The following WIPF2 variants were observed in gnomAD, a reference collection of about 807,000 sequenced individuals.
WIPF2 encodes the protein WAS/WASL-interacting protein family member 2.
Under a neutral mutation model 38.8 loss-of-function variants are expected in WIPF2, and 23 were observed. The ratio of observed to expected loss-of-function variants is 0.59; its 90% CI spans 0.43 to 0.84. The LOEUF (loss-of-function observed/expected upper bound fraction) is 0.84. Among genes scored for constraint, WIPF2 ranks in the 40% least tolerant of loss-of-function variants. The probability of loss-of-function intolerance (pLI) is 0.00; values close to 1 mark genes in which losing one functional copy is unlikely to be tolerated. For synonymous variants in WIPF2, 210 were observed against 223.2 expected, an observed-to-expected ratio of 0.94 and a Z score of 0.53; for missense variants, 574 against 580.5, an observed-to-expected ratio of 0.99 and a Z score of 0.11.
chr17:40,275,240 CAAAAA>C (rs58914738), intron 6 of WIPF2, among the ~76,000 whole-genome samples: 15 of 60,208 alleles, frequency 2.5e-4, no homozygotes, highest in African/African-American at 9.1e-4. Context: ...GACTCCGTCT[CAAAAA>C]AAAAAAAAAA....
At chr17:40,252,659 C>CA (rs751249426) in intron 1 of WIPF2, among the ~76,000 whole-genome samples, 1,365 of 113,974 alleles carry the variant, frequency 0.012, 5 homozygotes, top group Middle Eastern at 0.023. Flanking sequence ...GACTCTGTCT[C>CA]AAAAAAAAAA....
At chr17:40,245,346 C>CT (rs537431593) in intron 1 of WIPF2, among the ~76,000 whole-genome samples, 2,896 of 143,650 alleles carry the variant, frequency 0.02, 42 homozygotes, top group Non-Finnish European at 0.028. Context: ...CCAGATAATT[C>CT]TTTTTTTTTT....
At chr17:40,229,028 T>G (rs1169281465) in intron 1 of WIPF2, among the ~76,000 whole-genome samples, 1 of 151,942 alleles carries the variant, frequency 6.6e-6, no homozygotes, top group African/African-American at 2.4e-5. Context: ...CTTAGCCTCC[T>G]AAATAGCTGG....
intron 1 of WIPF2, among the ~76,000 whole-genome samples, chr17:40,221,010 C>T (rs944473431): frequency 1.3e-5 from 2 of 151,874 alleles, no homozygotes; most frequent in Non-Finnish European, 2.9e-5. Flanking sequence ...TCTGGATCTC[C>T]TGACCTCGTG....
In WIPF2 at chr17:40,264,648, G is replaced by T; in HGVS notation, c.472G>T (p.Asp158Tyr). 1.9e-6 allele frequency: 3 copies of T among 1,613,760 alleles called. No homozygotes were observed. Among genetic ancestry groups the T allele is most frequent in the Non-Finnish European group, 2.5e-6 (3 of 1,179,836 alleles). Reference sequence around the variant, plus strand: ...CCGGATGCAGAGACCCTCTTTACCGGACCTCTCTCGGCCTAATACCACCAG... The same window carrying T: ...CCGGATGCAGAGACCCTCTTTACCGTACCTCTCTCGGCCTAATACCACCAG... ...LPRMQRPSLP[D>Y]LSRPNTTSST... Residue 158 changes from aspartate to tyrosine, a missense_variant, in exon 5 of 8, where the codon GAC (aspartate) becomes TAC (tyrosine). Physicochemically the swap from Asp to Tyr is radical, Grantham distance 160. Transcript: ENST00000323571.
At chr17:40,230,135 C>T (rs1459561689) in intron 1 of WIPF2, among the ~76,000 whole-genome samples, 3 of 152,090 alleles carry the variant, frequency 2.0e-5, no homozygotes, top group Non-Finnish European at 4.4e-5. Context: ...CCTAGAAGTT[C>T]ACAACCAATC....
At chr17:40,239,807 C>T (rs1307199427) in intron 1 of WIPF2, among the ~76,000 whole-genome samples, 1 of 151,162 alleles carries the variant, frequency 6.6e-6, no homozygotes, top group African/African-American at 2.4e-5. Flanking sequence ...AAGGATTCTC[C>T]TGCCTCAGCC....
At chr17:40,273,604 C>T (rs2032304460) in intron 5 of WIPF2, 186 bp from the exon 6 acceptor site, 1 of 562,182 alleles carries the variant, frequency 1.8e-6, no homozygotes, top group African/African-American at 2.0e-5. Context: ...GTAAAAAGGC[C>T]ATACATTTAT....
intron 2 of WIPF2, among the ~76,000 whole-genome samples, chr17:40,259,937 G>C (rs1036721382): frequency 6.6e-6 from 1 of 152,148 alleles, no homozygotes; most frequent in African/African-American, 2.4e-5. Flanking sequence ...AACATACATA[G>C]TGTCTTAACA....
chr17:40,235,121 T>G (rs1463167430), intron 1 of WIPF2, among the ~76,000 whole-genome samples: 5 of 151,482 alleles, frequency 3.3e-5, no homozygotes, highest in Non-Finnish European at 7.4e-5. Context: ...GGTTTCACCG[T>G]GTTAGCCAGG....
At chr17:40,241,364 C>CATCT (rs1173646277) in intron 1 of WIPF2, among the ~76,000 whole-genome samples, 1 of 152,214 alleles carries the variant, frequency 6.6e-6, no homozygotes, top group Non-Finnish European at 1.5e-5. Context: ...TGCCATCTTA[C>CATCT]ATCTCCATGG....
intron 5 of WIPF2, among the ~76,000 whole-genome samples, chr17:40,268,837 T>TGATTCTCTTTTCTCACC (rs1218760946): frequency 6.6e-6 from 1 of 152,226 alleles, no homozygotes; most frequent in African/African-American, 2.4e-5. Context: ...GACAGATCAC[T>TGATTCTCTTTTCTCACC]GATTCTCTTT....
chr17:40,282,438 A>G lies in WIPF2; in HGVS notation c.*4213A>G, dbSNP rs1881010132. ...AGTCAACACTGAATAAATGACTAGAATGACACGTGTGCGTGCGCACGCGTG... is the reference window on the plus strand; with the variant it reads ...AGTCAACACTGAATAAATGACTAGAGTGACACGTGTGCGTGCGCACGCGTG... On this transcript the variant is annotated 3_prime_UTR_variant, in exon 8 of 8. Transcript: ENST00000323571. The G allele has an allele frequency of 6.6e-6, 1 of 152,190 alleles. No homozygotes were observed. Among genetic ancestry groups the G allele is most frequent in the Non-Finnish European group, 1.5e-5 (1 of 68,044 alleles). The allele number at this position is 152,190 out of a possible 1,614,324, so 9.4% of individuals were successfully genotyped here.
chr17:40,220,607 AT>A (rs1567705856), intron 1 of WIPF2: 24 of 90,510 alleles, frequency 2.7e-4, no homozygotes, highest in African/African-American at 1.1e-3. Context: ...ATATATATAT[AT>A]ATATATATAT....
chr17:40,245,773 T>C (rs2031342442), intron 1 of WIPF2, among the ~76,000 whole-genome samples: 1 of 152,154 alleles, frequency 6.6e-6, no homozygotes, highest in Admixed American at 6.6e-5. Flanking sequence ...TCAATGACAT[T>C]GTCAATGACT....
intron 1 of WIPF2, among the ~76,000 whole-genome samples, chr17:40,239,046 TTTTATTTATTTATTTA>T (rs57564513): frequency 8.6e-5 from 12 of 138,762 alleles, no homozygotes; most frequent in East Asian, 2.2e-4. Context: ...GTTTATTTTA[TTTTATTTATTTATTTA>T]TTTATTTATT....
intron 1 of WIPF2, among the ~76,000 whole-genome samples, chr17:40,249,604 C>T (rs1482766832): frequency 6.6e-6 from 1 of 151,384 alleles, no homozygotes; most frequent in Non-Finnish European, 1.5e-5. Flanking sequence ...CAGGCATGCA[C>T]CACCATGCCC....
intron 1 of WIPF2, among the ~76,000 whole-genome samples, chr17:40,241,631 A>G (rs1017837404): frequency 6.6e-6 from 1 of 152,146 alleles, no homozygotes; most frequent in Non-Finnish European, 1.5e-5. Context: ...CTCTGCACCA[A>G]TTTACTAAGT....
At chr17:40,220,595 A>ATG (rs1567705769) in intron 1 of WIPF2, 3 of 77,076 alleles carry the variant, frequency 3.9e-5, no homozygotes, top group African/African-American at 5.8e-5. Flanking sequence ...ATATATATAT[A>ATG]TATATATATA....
Sources: gnomAD v4.1 joint callset for allele counts (sites outside exome capture counted in the v4.1 genomes callset) on GRCh38, gnomAD v4.1.1 for gene constraint, MANE v1.5 for transcripts, NCBI Gene and HGNC (gene_info 2026-07-23, HGNC 2026-07-21) for gene names.